Variants in BEND3 observed in about 807,000 individuals in gnomAD.
The protein encoded by BEND3 is BEN domain containing 3, also known as BEN domain-containing protein 3.
In BEND3, 13 loss-of-function variants were observed where a neutral mutation model predicts 60.1. That is an observed-to-expected ratio of 0.22 (90% CI 0.14 to 0.34). The LOEUF is 0.34. Ranked by LOEUF, BEND3 falls within the 10% of genes least tolerant of loss-of-function variation. The probability of loss-of-function intolerance (pLI) is 1.00; values close to 1 mark genes in which losing one functional copy is unlikely to be tolerated. For missense variants in BEND3, 896 were observed against 1,138.1 expected, an observed-to-expected ratio of 0.79 and a Z score of 3.06; for synonymous variants, 497 against 491.5, an observed-to-expected ratio of 1.01 and a Z score of -0.15.
chr6:107,069,049 C>T lies in BEND3; in HGVS notation c.2142G>A (p.Pro714=), dbSNP rs534703055. Reference sequence around the variant, plus strand: ...CAGACAGCAGGTAGGGAGAAGGCACCGGGAAGTCAGGCGAGGGGACCACCA... The same window carrying T: ...CAGACAGCAGGTAGGGAGAAGGCACTGGGAAGTCAGGCGAGGGGACCACCA... ...DELVVPSPDF[P]VPSPYLLSDK... is the part of the protein sequence containing the mutation. The change falls in exon 4 of 4, where the codon CCG becomes CCA. Residue 714 remains proline (P), a synonymous_variant. Transcript: ENST00000369042. 8.7e-6 allele frequency: 14 copies of T among 1,613,534 alleles called. No individual in the cohort carries two copies. Among genetic ancestry groups the T allele is most frequent in the African/African-American group, 2.7e-5 (2 of 75,028 alleles).
At chr6:107,079,427 G>C (rs1775176866) in intron 3 of BEND3, among the ~76,000 whole-genome samples, 1 of 152,180 alleles carries the variant, frequency 6.6e-6, no homozygotes, top group Non-Finnish European at 1.5e-5. Flanking sequence ...TAATTGAGCT[G>C]GTTAATACAA....
chr6:107,107,714 G>A (rs1775848869), intron 1 of BEND3, among the ~76,000 whole-genome samples: 1 of 152,132 alleles, frequency 6.6e-6, no homozygotes, highest in Non-Finnish European at 1.5e-5. Context: ...CACCTGCCTT[G>A]GCCTCCCAAA....
intron 3 of BEND3, among the ~76,000 whole-genome samples, chr6:107,080,532 C>T (rs1404100628): frequency 1.3e-5 from 2 of 152,004 alleles, no homozygotes; most frequent in Non-Finnish European, 2.9e-5. Context: ...AAGACTAGTA[C>T]TTTTTTGAAA....
At chr6:107,110,997 C>T (rs1554238312) in intron 1 of BEND3, among the ~76,000 whole-genome samples, 2 of 151,520 alleles carry the variant, frequency 1.3e-5, no homozygotes, top group East Asian at 4.0e-4. Flanking sequence ...AACCCCGTAT[C>T]TACTAAAAAT....
chr6:107,085,793 A>ATT (rs36101665), intron 3 of BEND3, among the ~76,000 whole-genome samples: 2,673 of 106,884 alleles, frequency 0.025, 89 homozygotes, highest in African/African-American at 0.09. Context: ...ACCTGGCCTT[A>ATT]TTTTTTTTTT....
intron 1 of BEND3, among the ~76,000 whole-genome samples, chr6:107,112,207 A>G (rs557124611): frequency 1.3e-5 from 2 of 152,166 alleles, no homozygotes; most frequent in Non-Finnish European, 1.5e-5. Context: ...CTTTCTAGGC[A>G]GCGCTAAAAA....
chr6:107,087,343 G>A (rs1277275286), intron 3 of BEND3, among the ~76,000 whole-genome samples: 4 of 151,834 alleles, frequency 2.6e-5, no homozygotes, highest in Admixed American at 1.3e-4. Flanking sequence ...AAGAAAAAAC[G>A]ACAAGGCGTA....
intron 1 of BEND3, among the ~76,000 whole-genome samples, chr6:107,107,307 AG>A (rs1216144123): frequency 6.6e-6 from 1 of 152,016 alleles, no homozygotes; most frequent in African/African-American, 2.4e-5. Flanking sequence ...TACCCATCCA[AG>A]CTGTATTCTG....
chr6:107,090,881 C>G (rs1259636335), intron 3 of BEND3, among the ~76,000 whole-genome samples: 1 of 152,002 alleles, frequency 6.6e-6, no homozygotes, highest in Non-Finnish European at 1.5e-5. Context: ...AAGGCAGAGG[C>G]AGTGGATCAC....
intron 3 of BEND3, among the ~76,000 whole-genome samples, chr6:107,073,399 C>T (rs1554232381): frequency 6.6e-6 from 1 of 150,872 alleles, no homozygotes; most frequent in Non-Finnish European, 1.5e-5. Flanking sequence ...TGGCCAGCCA[C>T]CTGCCCCACT....
intron 3 of BEND3, among the ~76,000 whole-genome samples, chr6:107,093,637 G>A (rs1444082032): frequency 1.3e-5 from 2 of 152,174 alleles, no homozygotes; most frequent in Non-Finnish European, 2.9e-5. Flanking sequence ...GAAGCAATAC[G>A]ATGGAACACA....
At chr6:107,100,422 C>T (rs1341577472) in intron 1 of BEND3, among the ~76,000 whole-genome samples, 1 of 152,088 alleles carries the variant, frequency 6.6e-6, no homozygotes, top group Non-Finnish European at 1.5e-5. Flanking sequence ...CATAAGCCAC[C>T]ACTCCCGGCT....
rs782694934 is a variant in BEND3 at position 107,070,383 on chromosome 6, A to G, written c.808T>C (p.Leu270=). 6.2e-7 allele frequency: 1 copy of G among 1,613,812 alleles called. No homozygotes were observed. Among genetic ancestry groups the G allele is most frequent in the Admixed American group, 1.7e-5 (1 of 60,028 alleles). The change falls in exon 4 of 4, where the codon TTG becomes CTG. Residue 270 remains leucine (L), a synonymous_variant. Coordinates refer to ENST00000369042, the MANE Select transcript of BEND3 (RefSeq NM_001367314.1). This position sits in a 1 kb window ranked among gnomAD's most constrained non-coding sequence, Gnocchi z 6.9. The stretch of plus-strand genomic sequence containing the variant: ...AGCTCGGGGAAGAGCTGCACCAGCA[A>G]GCGGCAGGCCAGGTCCCCCCCTGAC... ...SLSGGDLACR[L]LVQLFPELFS... is the part of the protein sequence containing the mutation.
At chr6:107,100,312 G>A (rs1296742390) in intron 1 of BEND3, among the ~76,000 whole-genome samples, 2 of 152,106 alleles carry the variant, frequency 1.3e-5, no homozygotes, top group Non-Finnish European at 2.9e-5. Flanking sequence ...GCGCAATCTT[G>A]GCTCACTGCA....
chr6:107,081,509 A>G (rs929483040), intron 3 of BEND3, among the ~76,000 whole-genome samples: 48 of 152,146 alleles, frequency 3.2e-4, no homozygotes, highest in Admixed American at 6.6e-4. Flanking sequence ...GGCATGAGCC[A>G]CCGCACCTGG....
chr6:107,099,497 CTCT>C (rs1775660839), intron 1 of BEND3, among the ~76,000 whole-genome samples: 1 of 152,174 alleles, frequency 6.6e-6, no homozygotes, highest in African/African-American at 2.4e-5. Context: ...CTGCTGGGAG[CTCT>C]TCTCCAAGAC....
chr6:107,107,631 T>G (rs1554237722), intron 1 of BEND3, among the ~76,000 whole-genome samples: 3 of 152,058 alleles, frequency 2.0e-5, no homozygotes, highest in African/African-American at 7.2e-5. Context: ...CCTGATTAAT[T>G]TCTGTATTTT....
At chr6:107,112,580 G>A (rs1053776146) in intron 1 of BEND3, among the ~76,000 whole-genome samples, 20 of 152,164 alleles carry the variant, frequency 1.3e-4, no homozygotes, top group African/African-American at 4.3e-4. Context: ...AACGCTGGGC[G>A]TGGTGGTACA....
At chr6:107,097,463 A>C (rs1775609113) in intron 3 of BEND3, among the ~76,000 whole-genome samples, 1 of 151,836 alleles carries the variant, frequency 6.6e-6, no homozygotes, top group African/African-American at 2.4e-5. Context: ...GAGTTAGAAA[A>C]AAAAAACCCT....
Sources: gnomAD v4.1 joint callset for allele counts (sites outside exome capture counted in the v4.1 genomes callset) on GRCh38, gnomAD v4.1.1 for gene constraint, Gnocchi (gnomAD v3.1) non-coding constraint, MANE v1.5 for transcripts, NCBI Gene and HGNC (gene_info 2026-07-23, HGNC 2026-07-21) for gene names.